KALRN: variants seen among roughly 807,000 people sequenced by gnomAD.
The protein encoded by KALRN is kalirin RhoGEF kinase.
Under a neutral mutation model 353.7 loss-of-function variants are expected in KALRN, and 70 were observed. The observed-to-expected ratio is 0.20, with a 90% CI of 0.16 to 0.24. KALRN has a LOEUF of 0.24. Among genes scored for constraint, KALRN ranks in the 10% least tolerant of loss-of-function variants. The pLI is 1.00. For synonymous variants in KALRN, 1,391 were observed against 1,434.8 expected (o/e 0.97, Z 0.69); for missense variants, 2,791 against 3,756.7 (o/e 0.74, Z 6.72).
intron 33 of KALRN, among the ~76,000 whole-genome samples, chr3:124,556,848 C>T (rs187647967): frequency 2.6e-5 from 4 of 152,284 alleles, no homozygotes; most frequent in East Asian, 1.9e-4. Flanking sequence ...AACATTTCAA[C>T]GAATTTTCCT....
rs10634082 is a variant in KALRN at position 124,110,469 on chromosome 3, G to GCGCACACACA, written c.73+76657_73+76658insGCACACACAC. Among the ~76,000 whole-genome samples the GCGCACACACA allele has an allele frequency of 2.0e-3, 267 of 134,048 alleles. 5 individuals carry two copies. Among genetic ancestry groups the GCGCACACACA allele is most frequent in the East Asian group, 8.4e-3 (42 of 4,996 alleles). The allele number at this position is 134,048 out of a possible 152,430, so 87.9% of individuals were successfully genotyped here. On this transcript the variant is annotated intron_variant, in intron 1 of 59. Transcript: ENST00000682506. ...ATATATTTCATATATACACACGCGCGCACACACACACACACACACACACAC... is the reference window on the plus strand; with the variant it reads ...ATATATTTCATATATACACACGCGCGCGCACACACACACACACACACACACACACACACAC...
At chr3:124,407,779 A>C (rs952393606) in intron 13 of KALRN, 2 of 152,124 alleles carry the variant, frequency 1.3e-5, no homozygotes, top group African/African-American at 2.4e-5. Flanking sequence ...GCATTCCATA[A>C]ATTTTTTTTT....
chr3:124,384,577 G>C, intron 10 of KALRN: 1 of 331,264 alleles, frequency 3.0e-6, no homozygotes, highest in African/African-American at 2.1e-5. Context: ...GGGTATGGAG[G>C]TTCTCTACGC....
intron 33 of KALRN, among the ~76,000 whole-genome samples, chr3:124,505,439 G>A (rs1294974657): frequency 6.6e-6 from 1 of 152,104 alleles, no homozygotes; most frequent in Admixed American, 6.6e-5. Context: ...AGACCAGCCT[G>A]GGCAGCATGG....
chr3:124,326,267 A>C (rs1327421482), intron 7 of KALRN, 96 bp downstream of exon 7: 2 of 945,082 alleles, frequency 2.1e-6, no homozygotes, highest in Non-Finnish European at 3.0e-6. Context: ...CTCTATAGGG[A>C]GCTCCACCTG....
intron 5 of KALRN, among the ~76,000 whole-genome samples, chr3:124,284,958 G>A (rs1454877744): frequency 2.0e-5 from 3 of 152,298 alleles, no homozygotes; most frequent in Admixed American, 1.3e-4. Context: ...TTGCAAGGCT[G>A]TTTCCCTTCA....
chr3:124,135,132 C>A (rs1000787251), intron 1 of KALRN, among the ~76,000 whole-genome samples: 2 of 152,074 alleles, frequency 1.3e-5, no homozygotes, highest in Non-Finnish European at 2.9e-5. Flanking sequence ...AACCCAAATG[C>A]CCATCAATCA....
At chr3:124,047,483 A>G (rs1471552393) in intron 1 of KALRN, among the ~76,000 whole-genome samples, 2 of 145,520 alleles carry the variant, frequency 1.4e-5, no homozygotes, top group South Asian at 2.2e-4. Context: ...GTATACCTTC[A>G]TAGAACACTT....
intron 12 of KALRN, among the ~76,000 whole-genome samples, chr3:124,398,102 G>T (rs188726856): frequency 2.7e-4 from 41 of 152,312 alleles, no homozygotes; most frequent in Admixed American, 2.6e-3. Context: ...AGGTTTGCAG[G>T]CTCCAGATCC....
chr3:124,478,505 A>G (rs1466079677), intron 27 of KALRN, among the ~76,000 whole-genome samples: 1 of 152,230 alleles, frequency 6.6e-6, no homozygotes, highest in Non-Finnish European at 1.5e-5. Flanking sequence ...AGGAAGCCAG[A>G]TGAGGAAAAA....
intron 28 of KALRN, among the ~76,000 whole-genome samples, chr3:124,485,741 G>A (rs190162117): frequency 1.3e-4 from 20 of 152,234 alleles, no homozygotes; most frequent in Non-Finnish European, 2.1e-4. Context: ...TTGCCCAGTC[G>A]TGGTGGCGTG....
At chr3:124,472,722 G>A (rs538346371) in intron 25 of KALRN, among the ~76,000 whole-genome samples, 101 of 152,004 alleles carry the variant, frequency 6.6e-4, no homozygotes, top group African/African-American at 2.3e-3. Flanking sequence ...ACATTATATA[G>A]CACTTTTTAA....
intron 23 of KALRN, among the ~76,000 whole-genome samples, chr3:124,458,822 T>G (rs1336241376): frequency 1.3e-5 from 2 of 152,028 alleles, no homozygotes; most frequent in African/African-American, 4.8e-5. Flanking sequence ...TAATCCCAGC[T>G]ACTCAGGAGG....
intron 1 of KALRN, chr3:124,162,465 A>G (rs940768212): frequency 1.3e-5 from 2 of 152,170 alleles, no homozygotes; most frequent in Admixed American, 6.5e-5. Context: ...TTTAAAATTT[A>G]TCTGAACTCG....
chr3:124,647,474 C>T (rs145066134), intron 37 of KALRN, among the ~76,000 whole-genome samples: 1 of 152,292 alleles, frequency 6.6e-6, no homozygotes, highest in Non-Finnish European at 1.5e-5. Context: ...GAATGTCCTC[C>T]CATTGGCATA....
At chr3:124,301,044 C>T (rs1281422911) in intron 6 of KALRN, among the ~76,000 whole-genome samples, 1 of 152,166 alleles carries the variant, frequency 6.6e-6, no homozygotes, top group Non-Finnish European at 1.5e-5. Context: ...AGAATTTTCA[C>T]ATTACCCAAC....
chr3:124,173,106 GT>G (rs2072119258), intron 1 of KALRN, among the ~76,000 whole-genome samples: 1 of 152,104 alleles, frequency 6.6e-6, no homozygotes, highest in Admixed American at 6.5e-5. Flanking sequence ...TGATTGGGGG[GT>G]GGGGATGGTG....
chr3:124,113,062 G>A (rs756810378), intron 1 of KALRN, among the ~76,000 whole-genome samples: 11 of 152,136 alleles, frequency 7.2e-5, no homozygotes, highest in Non-Finnish European at 8.8e-5. Context: ...GCCCAGTGAC[G>A]AGGTTTGTTT....
At chr3:124,364,219 G>T (rs1334370034) in intron 10 of KALRN, among the ~76,000 whole-genome samples, 3 of 152,180 alleles carry the variant, frequency 2.0e-5, no homozygotes, top group Admixed American at 6.5e-5. Flanking sequence ...TATGGTTCTT[G>T]CCTAGGCTTT....
Sources: gnomAD v4.1 joint callset for allele counts (sites outside exome capture counted in the v4.1 genomes callset) on GRCh38, gnomAD v4.1.1 for gene constraint, MANE v1.5 for transcripts, NCBI Gene and HGNC (gene_info 2026-07-23, HGNC 2026-07-21) for gene names.